Variants in NLGN1 observed in about 807,000 individuals in gnomAD.
NLGN1 encodes the protein neuroligin-1.
Under a neutral mutation model 65.5 loss-of-function variants are expected in NLGN1, and 12 were observed. The ratio of observed to expected loss-of-function variants is 0.18; its 90% CI spans 0.12 to 0.30. The LOEUF is 0.30. Among genes scored for constraint, NLGN1 ranks in the 10% least tolerant of loss-of-function variants. NLGN1 has a pLI of 1.00. For missense variants in NLGN1, 750 were observed against 1,007.1 expected, an observed-to-expected ratio of 0.74 and a Z score of 3.46; for synonymous variants, 350 against 359.5, an observed-to-expected ratio of 0.97 and a Z score of 0.30.
At chr3:174,129,591 A>T (rs539909242) in intron 4 of NLGN1, among the ~76,000 whole-genome samples, 49 of 152,274 alleles carry the variant, frequency 3.2e-4, no homozygotes, top group Non-Finnish European at 4.1e-4. Context: ...GAGGGCGTTG[A>T]CTTTTTCAAA....
rs1326640917 is a variant in NLGN1 at position 174,264,651 on chromosome 3, A to G, written c.647-10664A>G. On this transcript the variant is annotated intron_variant, in intron 4 of 6. Transcript: ENST00000457714. The stretch of plus-strand genomic sequence containing the variant: ...GAATGTCCTCCCGCAGCTCAGAGTA[A>G]TTTGATCGTCTGAAGCCTTCTCCCC... Among the ~76,000 whole-genome samples the G allele has an allele frequency of 1.1e-4, 17 of 150,474 alleles. No individual in the cohort carries two copies. In the East Asian group the frequency reaches 3.5e-3, roughly 31 times the overall value.
chr3:173,617,001 C>T (rs1469065146), intron 3 of NLGN1, among the ~76,000 whole-genome samples: 2 of 152,150 alleles, frequency 1.3e-5, no homozygotes, highest in Admixed American at 6.5e-5. Context: ...TCCCTTCTCT[C>T]TACTTTCTAG....
intron 2 of NLGN1, among the ~76,000 whole-genome samples, chr3:173,591,010 A>G (rs902518637): frequency 5.9e-5 from 9 of 152,160 alleles, no homozygotes; most frequent in African/African-American, 1.9e-4. Flanking sequence ...AGTTATTTCA[A>G]ACAGGTAGAA....
At chr3:173,452,353 T>G (rs1456090277) in intron 2 of NLGN1, among the ~76,000 whole-genome samples, 3 of 152,050 alleles carry the variant, frequency 2.0e-5, no homozygotes, top group African/African-American at 7.2e-5. Flanking sequence ...TCCGGCTAAT[T>G]TTTTGTATTT....
chr3:173,554,661 G>A (rs1194801695), intron 2 of NLGN1, among the ~76,000 whole-genome samples: 1 of 152,112 alleles, frequency 6.6e-6, no homozygotes, highest in African/African-American at 2.4e-5. Flanking sequence ...CAATTTATCA[G>A]TTCCCATGGT....
intron 2 of NLGN1, among the ~76,000 whole-genome samples, chr3:173,567,622 T>C (rs1265516422): frequency 6.6e-6 from 1 of 151,446 alleles, no homozygotes; most frequent in Non-Finnish European, 1.5e-5. Flanking sequence ...TATAATATAA[T>C]AAAATAATAT....
intron 4 of NLGN1, among the ~76,000 whole-genome samples, chr3:174,222,505 T>C (rs1471020452): frequency 6.6e-6 from 1 of 152,196 alleles, no homozygotes; most frequent in African/African-American, 2.4e-5. Flanking sequence ...ATGGGTGTTG[T>C]ATATTTCTTA....
At chr3:173,889,065 T>G (rs1172274578) in intron 4 of NLGN1, among the ~76,000 whole-genome samples, 1 of 152,170 alleles carries the variant, frequency 6.6e-6, no homozygotes, top group Admixed American at 6.5e-5. Context: ...ATTGAAGGCT[T>G]CTAATTTTAT....
At chr3:173,447,460 T>A (rs1191923161) in intron 2 of NLGN1, among the ~76,000 whole-genome samples, 1 of 152,208 alleles carries the variant, frequency 6.6e-6, no homozygotes, top group African/African-American at 2.4e-5. Flanking sequence ...CTGTTTTGGT[T>A]ACTGTAGCCT....
chr3:173,949,244 C>A (rs923981384), intron 4 of NLGN1, among the ~76,000 whole-genome samples: 38 of 151,848 alleles, frequency 2.5e-4, no homozygotes, highest in African/African-American at 8.2e-4. Context: ...GAATATATTC[C>A]TTAATATTTC....
chr3:173,832,514 T>C (rs549528759), intron 4 of NLGN1, among the ~76,000 whole-genome samples: 192 of 152,336 alleles, frequency 1.3e-3, no homozygotes, highest in African/African-American at 4.4e-3. Context: ...GGATGTTTGC[T>C]AGAAAAGTTT....
At chr3:173,533,933 G>A (rs1393576653) in intron 2 of NLGN1, among the ~76,000 whole-genome samples, 1 of 152,076 alleles carries the variant, frequency 6.6e-6, no homozygotes, top group Non-Finnish European at 1.5e-5. Flanking sequence ...AGTGAGCCGT[G>A]ATCGTGCCAC....
intron 4 of NLGN1, among the ~76,000 whole-genome samples, chr3:174,196,559 AACT>A (rs754184636): frequency 3.2e-4 from 48 of 152,192 alleles, no homozygotes; most frequent in Non-Finnish European, 5.7e-4. Context: ...TAATGATCTT[AACT>A]TTAATGCACA....
At position 173,657,805 on chromosome 3, in the gene NLGN1, G is replaced by A. The variant is rs191016851; in HGVS notation, c.493+52714G>A. On this transcript the variant is annotated intron_variant, in intron 3 of 6. Transcript: ENST00000457714. ...GGTAGGAAGGAAGCCAAAATTAATG[G>A]ATATTAATTTTGAAGAGTATTGGTG... Among the ~76,000 whole-genome samples, 148 of 151,860 alleles carry A rather than the reference G, an allele frequency of 9.7e-4. 3 individuals are homozygous for A. Among genetic ancestry groups the A allele is most frequent in the Middle Eastern group, 3.4e-3 (1 of 292 alleles).
intron 4 of NLGN1, among the ~76,000 whole-genome samples, chr3:174,191,191 C>T (rs572953874): frequency 6.6e-6 from 1 of 152,080 alleles, no homozygotes; most frequent in South Asian, 2.1e-4. Flanking sequence ...TTTCAAGATT[C>T]CACAAGTTTA....
At chr3:173,699,121 G>T (rs1766708626) in intron 3 of NLGN1, among the ~76,000 whole-genome samples, 1 of 152,092 alleles carries the variant, frequency 6.6e-6, no homozygotes. Flanking sequence ...CTCCCAAAAT[G>T]CTGGGATTAC....
At chr3:174,052,764 A>T (rs1735193365) in intron 4 of NLGN1, among the ~76,000 whole-genome samples, 1 of 152,062 alleles carries the variant, frequency 6.6e-6, no homozygotes, top group African/African-American at 2.4e-5. Context: ...CACTAATGGC[A>T]GGGATCTGTG....
At chr3:173,553,976 A>G (rs1218701686) in intron 2 of NLGN1, among the ~76,000 whole-genome samples, 2 of 152,216 alleles carry the variant, frequency 1.3e-5, no homozygotes, top group Non-Finnish European at 2.9e-5. Flanking sequence ...GAGCAAGGAT[A>G]AGTTGATTAA....
In NLGN1 at chr3:174,050,516, G is replaced by A. The variant is rs183288684; in HGVS notation, c.647-224799G>A. 7.4e-3 allele frequency among the ~76,000 whole-genome samples: 1,095 copies of A among 147,380 alleles called. 22 individuals are homozygous for A. The highest frequency in any genetic ancestry group is 0.04 in the East Asian group (199 of 4,946). On this transcript the variant is annotated intron_variant, in intron 4 of 6. Transcript: ENST00000457714. ...GTGTATCACTTTCTTGTTTTCTCAA[G>A]CCACTGAAAAAATAATAATTAAAAA...
Sources: gnomAD v4.1 joint callset for allele counts (sites outside exome capture counted in the v4.1 genomes callset) on GRCh38, gnomAD v4.1.1 for gene constraint, MANE v1.5 for transcripts, NCBI Gene and HGNC (gene_info 2026-07-23, HGNC 2026-07-21) for gene names.